The following ZNF28 variants were observed in gnomAD, a reference collection of about 807,000 sequenced individuals.
The protein encoded by ZNF28 is zinc finger protein KOX24.
Under a neutral mutation model 7.2 loss-of-function variants are expected in ZNF28, and 5 were observed. The ratio of observed to expected loss-of-function variants is 0.70; its 90% CI spans 0.36 to 1.46. ZNF28 has a LOEUF of 1.46. ZNF28 is among the 40% of genes most tolerant of loss of function. The pLI, the probability that ZNF28 is intolerant of heterozygous loss-of-function variation, is 0.03. For synonymous variants in ZNF28, 288 were observed against 292.4 expected (o/e 0.99, Z 0.15); for missense variants, 879 against 866.6 (o/e 1.01, Z -0.18).
rs751441745 is a variant in ZNF28 at position 52,800,228 on chromosome 19, T to C, written c.1617A>G (p.Ala539=). Residue 539 remains alanine, a synonymous_variant, in exon 4 of 4, where the codon GCA becomes GCG. Transcript: ENST00000457749. The part of the protein sequence containing the change: ...GKVFSTKANL[A]CHHKLHTAEK... ...CTGCAGTATGAAGTTTATGATGACA[T>C]GCAAGGTTTGCTTTTGTACTAAAAA... 4.3e-6 allele frequency: 7 copies of C among 1,613,546 alleles called. No individual in the cohort carries two copies. Among genetic ancestry groups the C allele is most frequent in the Non-Finnish European group, 5.1e-6 (6 of 1,179,904 alleles).
At position 52,801,470 on chromosome 19, in the gene ZNF28, T is replaced by A. The variant is rs769543664; in HGVS notation, c.375A>T (p.Gln125His). 6 of 1,614,090 alleles carry A rather than the reference T, an allele frequency of 3.7e-6. No individual in the cohort carries two copies. The African/African-American group carries it at 8.0e-5, about 22-fold the overall frequency. ...TGTTTCCAGCATGCCTTTGATCATG[T>A]TGGCCTGTACTACCAGTCAACTCTT... is the stretch of plus-strand genomic sequence containing the variant. The part of the protein sequence containing the change: ...EIKELTGSTG[Q>H]HDQRHAGNKH... The change falls in exon 4 of 4, where the codon CAA becomes CAT. Residue 125 changes from glutamine to histidine, a missense_variant. By Grantham distance (24) the Gln-to-His change is conservative. Coordinates refer to ENST00000457749, the MANE Select transcript of ZNF28 (RefSeq NM_006969.5).
Position 52,800,104 on chromosome 19 carries a change from A to C in ZNF28, c.1741T>G (p.Cys581Gly). 1 of 1,614,072 alleles carries C rather than the reference A, an allele frequency of 6.2e-7. No homozygotes were observed. The highest frequency in any genetic ancestry group is 8.5e-7 in the Non-Finnish European group (1 of 1,179,960). Reference protein sequence around the residue: ...RIHTGEKPYKCKVCDKAFRRD... With the variant: ...RIHTGEKPYKGKVCDKAFRRD... ...CGGAAAGCCTTGTCACAAACCTTAC[A>C]TTTGTACGGTTTCTCTCCAGTATGA... is the stretch of plus-strand genomic sequence containing the variant. The change falls in exon 4 of 4, where the codon TGT becomes GGT. Residue 581 changes from cysteine (C) to glycine (G), a missense_variant. By Grantham distance (159) the Cys-to-Gly change is radical (BLOSUM62 -3). This residue lies in a region of ZNF28 where 864 missense variants were observed against 830.2 expected (regional missense o/e 1.04). Transcript: ENST00000457749.
In ZNF28 at chr19:52,798,450, A is replaced by G; in HGVS notation, c.*1238T>C. On this transcript the variant is annotated 3_prime_UTR_variant, in exon 4 of 4. Transcript: ENST00000457749. ...ATGGCATTTGAAACAACTGTCTCCAAAAGGAATTGTCTGATGGTCTGCAAG... is the reference window on the plus strand; with the variant it reads ...ATGGCATTTGAAACAACTGTCTCCAGAAGGAATTGTCTGATGGTCTGCAAG... The G allele has an allele frequency of 4.5e-6, 2 of 439,980 alleles. No homozygotes were observed. Among genetic ancestry groups the G allele is most frequent in the Admixed American group, 5.9e-5 (2 of 34,022 alleles). The allele number at this position is 439,980 out of a possible 1,614,324, so 27.3% of individuals were successfully genotyped here. A position where few individuals can be genotyped will look rare whatever the true frequency, so the allele number is the denominator to read the frequency against.
At position 52,800,471 on chromosome 19, in the gene ZNF28, A is replaced by G. The variant is rs747544977; in HGVS notation, c.1374T>C (p.His458=). Residue 458 remains histidine, a synonymous_variant, in exon 4 of 4, where the codon CAT becomes CAC. Transcript: ENST00000457749. ...FNQQSTLARH[H]RLHTAEKPYK... ...ATGGTTTCTCTGCAGTATGAAGTCTATGATGGCGTGCAAGAGTTGATTGTT... is the reference window on the plus strand; with the variant it reads ...ATGGTTTCTCTGCAGTATGAAGTCTGTGATGGCGTGCAAGAGTTGATTGTT... The G allele has an allele frequency of 1.4e-5, 22 of 1,613,530 alleles. No individual in the cohort carries two copies. Among genetic ancestry groups the G allele is most frequent in the Non-Finnish European group, 1.9e-5 (22 of 1,179,852 alleles).
chr19:52,800,473 G>A lies in ZNF28; in HGVS notation c.1372C>T (p.His458Tyr). 6.2e-7 allele frequency: 1 copy of A among 1,613,606 alleles called. No homozygotes were observed. The highest frequency in any genetic ancestry group is 8.5e-7 in the Non-Finnish European group (1 of 1,179,844). The change falls in exon 4 of 4, where the codon CAT (histidine) becomes TAT (tyrosine). Residue 458 changes from histidine to tyrosine, a missense_variant. His to Tyr is a moderately conservative substitution (Grantham distance 83). Transcript: ENST00000457749. The part of the protein sequence containing the change: ...FNQQSTLARH[H>Y]RLHTAEKPYK... ...GGTTTCTCTGCAGTATGAAGTCTAT[G>A]ATGGCGTGCAAGAGTTGATTGTTGA...
Position 52,809,081 on chromosome 19 carries a change from G to C in ZNF28, c.16-948C>G, listed in dbSNP as rs181598022. 3.3e-3 allele frequency among the ~76,000 whole-genome samples: 500 copies of C among 152,258 alleles called. 2 individuals carry two copies. The highest frequency in any genetic ancestry group is 0.011 in the African/African-American group (475 of 41,554). On this transcript the variant is annotated intron_variant, in intron 2 of 3. Transcript: ENST00000457749. ...GAAGTTTTAAAAAATATAAAAAGTA[G>C]CAAGTTTTGTTTAACTGAAGAGGAA...
At chr19:52,809,215 C>A (rs1024581636) in intron 2 of ZNF28, among the ~76,000 whole-genome samples, 1 of 152,182 alleles carries the variant, frequency 6.6e-6, no homozygotes, top group Non-Finnish European at 1.5e-5. Flanking sequence ...ACCCTTTCAA[C>A]TGCCTGACCT....
chr19:52,805,972 C>A (rs539702575), intron 3 of ZNF28: 3 of 152,016 alleles, frequency 2.0e-5, no homozygotes, highest in Non-Finnish European at 4.4e-5. Flanking sequence ...AACAGCAAAA[C>A]TCAGTCTCAT....
Position 52,818,088 on chromosome 19 carries a change from A to G in ZNF28, c.-73-57T>C, listed in dbSNP as rs1332773092. On this transcript the variant is annotated intron_variant, in intron 1 of 3. Coordinates refer to ENST00000457749, the MANE Select transcript of ZNF28 (RefSeq NM_006969.5). Reference sequence around the variant, plus strand: ...AGAATCAACACATCCCCTCCCTGTAACACAACAACACATACAAAGGAGACT... The same window carrying G: ...AGAATCAACACATCCCCTCCCTGTAGCACAACAACACATACAAAGGAGACT... 11 of 1,453,976 alleles carry G rather than the reference A, an allele frequency of 7.6e-6. No individual in the cohort carries two copies. The African/African-American group carries it at 1.4e-4, about 19-fold the overall frequency. 90.1% of individuals were successfully genotyped at this position (1,453,976 alleles called of 1,614,324 possible).
chr19:52,801,573 T>C lies in ZNF28; in HGVS notation c.272A>G (p.Glu91Gly). 4 of 1,614,214 alleles carry C rather than the reference T, an allele frequency of 2.5e-6. No homozygotes were observed. Among genetic ancestry groups the C allele is most frequent in the Non-Finnish European group, 3.4e-6 (4 of 1,180,028 alleles). ...AAACTGGAAGCCATGAATGTCTTTC[T>C]CAATTTTCTGGAAGCAAAAATCTCC... ...HIGDFCFQKI[E>G]KDIHGFQFQW... The change falls in exon 4 of 4, where the codon GAG (glutamate) becomes GGG (glycine). Residue 91 changes from glutamate (E) to glycine (G), a missense_variant. Coordinates refer to ENST00000457749, the MANE Select transcript of ZNF28 (RefSeq NM_006969.5).
chr19:52,801,127 C>T lies in ZNF28; in HGVS notation c.718G>A (p.Glu240Lys), dbSNP rs1476848319. The stretch of plus-strand genomic sequence containing the variant: ...TATACATCACATTTACATTGTTTCT[C>T]TTCTAAGTGGGTTATCTGATGTTTT... ...LKKHQITHLE[E>K]KQCKCDVYGK... is the part of the protein sequence containing the mutation. The change falls in exon 4 of 4, where the codon GAG becomes AAG. Residue 240 changes from glutamate (E) to lysine (K), a missense_variant. Transcript: ENST00000457749. 2 of 1,613,926 alleles carry T rather than the reference C, an allele frequency of 1.2e-6. No individual in the cohort carries two copies. Among genetic ancestry groups the T allele is most frequent in the African/African-American group, 1.3e-5 (1 of 74,900 alleles).
At chr19:52,801,785 C>A in intron 3 of ZNF28, 83 bp from the exon 4 acceptor site, 1 of 1,303,870 alleles carries the variant, frequency 7.7e-7, no homozygotes, top group South Asian at 1.5e-5. Flanking sequence ...ACACAAAAAA[C>A]AATACTTATT....
intron 3 of ZNF28, among the ~76,000 whole-genome samples, chr19:52,803,426 A>C (rs1196503619): frequency 6.6e-6 from 1 of 152,190 alleles, no homozygotes; most frequent in African/African-American, 2.4e-5. Context: ...ATTGCATACC[A>C]CATACCGAAA....
intron 1 of ZNF28, among the ~76,000 whole-genome samples, chr19:52,821,306 C>A (rs142327344): frequency 0.015 from 2,289 of 152,140 alleles, 56 homozygotes; most frequent in African/African-American, 0.052. Context: ...TAAAAAGAGC[C>A]GTGCGGAAGG....
chr19:52,821,216 G>A lies in ZNF28; in HGVS notation c.-74+370C>T, dbSNP rs1176550961. Reference sequence around the variant, plus strand: ...ACGCAGCCTTCCCGGGACTGGGGTCGCCGCGCTGTGCTCCAGGAACCCAGG... The same window carrying A: ...ACGCAGCCTTCCCGGGACTGGGGTCACCGCGCTGTGCTCCAGGAACCCAGG... On this transcript the variant is annotated intron_variant, in intron 1 of 3. Transcript: ENST00000457749. Among the ~76,000 whole-genome samples, 7 of 152,134 alleles carry A rather than the reference G, an allele frequency of 4.6e-5. No individual in the cohort carries two copies. The East Asian group carries it at 7.7e-4, about 17-fold the overall frequency.
rs1301888157 is a variant in ZNF28, at chr19:52,797,828, G to T, written c.*1860C>A. ...GAAATCCCCATAACTTTTTGTTAAA[G>T]AAACAAAAAACAGGCCAGTCACGGT... is the stretch of plus-strand genomic sequence containing the variant. On this transcript the variant is annotated 3_prime_UTR_variant, in exon 4 of 4. Transcript: ENST00000457749. The T allele has an allele frequency of 6.6e-6, 1 of 151,904 alleles. No individual in the cohort carries two copies. Among genetic ancestry groups the T allele is most frequent in the Non-Finnish European group, 1.5e-5 (1 of 67,930 alleles). The allele number at this position is 151,904 out of a possible 1,614,324, so 9.4% of individuals were successfully genotyped here. A position where few individuals can be genotyped will look rare whatever the true frequency, so the allele number is the denominator to read the frequency against.
At chr19:52,816,702 C>T (rs1216958383) in intron 2 of ZNF28, among the ~76,000 whole-genome samples, 1 of 150,898 alleles carries the variant, frequency 6.6e-6, no homozygotes. Context: ...GATGGTGGCG[C>T]GCACCTATAA....
At chr19:52,807,149 C>T (rs1434415474) in intron 3 of ZNF28, among the ~76,000 whole-genome samples, 1 of 152,096 alleles carries the variant, frequency 6.6e-6, no homozygotes, top group Non-Finnish European at 1.5e-5. Flanking sequence ...TCACTTAACT[C>T]TCCACAGTCC....
intron 3 of ZNF28, among the ~76,000 whole-genome samples, chr19:52,802,716 C>G (rs1008013135): frequency 1.3e-5 from 2 of 150,970 alleles, no homozygotes; most frequent in African/African-American, 2.4e-5. Flanking sequence ...TTCCAAATAA[C>G]TGTTACAAAA....
Sources: gnomAD v4.1 joint callset for allele counts (sites outside exome capture counted in the v4.1 genomes callset) on GRCh38, gnomAD v4.1.1 for gene constraint, gnomAD v4.1.1 regional missense constraint, MANE v1.5 for transcripts, NCBI Gene and HGNC (gene_info 2026-07-23, HGNC 2026-07-21) for gene names.